The following ZCWPW2 variants were observed in gnomAD, a reference collection of about 807,000 sequenced individuals.
ZCWPW2 encodes zinc finger CW-type and PWWP domain containing 2.
In ZCWPW2, 45 loss-of-function variants were observed where a neutral mutation model predicts 46.6. The ratio of observed to expected loss-of-function variants is 0.96; its 90% CI spans 0.76 to 1.24. The LOEUF (loss-of-function observed/expected upper bound fraction) is 1.24. Among genes scored for constraint, ZCWPW2 ranks in the 50% most tolerant of loss-of-function variants. ZCWPW2 has a pLI of 0.00. For missense variants in ZCWPW2, 429 were observed against 403.9 expected (o/e 1.06, Z -0.53); for synonymous variants, 152 against 137.1 (o/e 1.11, Z -0.76).
intron 2 of ZCWPW2, among the ~76,000 whole-genome samples, chr3:28,406,689 T>C (rs923578642): frequency 1.3e-5 from 2 of 152,168 alleles, no homozygotes; most frequent in African/African-American, 2.4e-5. Context: ...ACATGGTAAA[T>C]AAGACTCTTC....
chr3:28,382,539 A>G (rs1477994934), intron 1 of ZCWPW2, among the ~76,000 whole-genome samples: 3 of 152,222 alleles, frequency 2.0e-5, no homozygotes, highest in Non-Finnish European at 4.4e-5. Context: ...AGAGGAGGGC[A>G]AACAATTCAG....
chr3:28,412,988 G>A (rs1168902841), intron 2 of ZCWPW2, 68 bp from the exon 3 acceptor site: 4 of 1,267,966 alleles, frequency 3.2e-6, no homozygotes, highest in East Asian at 4.9e-5. Flanking sequence ...TCTGATTTTT[G>A]GTTTGAATTT....
chr3:28,518,796 G>A (rs1350066925), intron 8 of ZCWPW2, among the ~76,000 whole-genome samples: 1 of 152,136 alleles, frequency 6.6e-6, no homozygotes, highest in Non-Finnish European at 1.5e-5. Context: ...AATTTCCATA[G>A]ACTCAGAATG....
intron 1 of ZCWPW2, among the ~76,000 whole-genome samples, chr3:28,356,606 A>G (rs1052499494): frequency 1.3e-5 from 2 of 152,236 alleles, no homozygotes; most frequent in Admixed American, 6.5e-5. Flanking sequence ...AACTAACCCA[A>G]ATGTCCATCA....
At chr3:28,438,973 G>A (rs959538561) in intron 4 of ZCWPW2, among the ~76,000 whole-genome samples, 15 of 151,578 alleles carry the variant, frequency 9.9e-5, no homozygotes, top group African/African-American at 3.1e-4. Context: ...GGAAATTATT[G>A]AGTCTCAGTG....
intron 4 of ZCWPW2, among the ~76,000 whole-genome samples, chr3:28,439,607 T>C (rs1697665294): frequency 6.6e-6 from 1 of 152,130 alleles, no homozygotes; most frequent in South Asian, 2.1e-4. Flanking sequence ...AGATCATACA[T>C]AATCTTCAAA....
intron 1 of ZCWPW2, among the ~76,000 whole-genome samples, chr3:28,390,006 C>T (rs941593487): frequency 6.6e-6 from 1 of 152,094 alleles, no homozygotes; most frequent in Non-Finnish European, 1.5e-5. Flanking sequence ...CAGGAATATC[C>T]AGAATAATGT....
intron 1 of ZCWPW2, chr3:28,351,704 A>G (rs924282082): frequency 6.6e-5 from 10 of 151,492 alleles, no homozygotes; most frequent in Admixed American, 1.3e-4. Flanking sequence ...GATTAATGTC[A>G]TATTACCTCA....
chr3:28,462,710 A>G (rs1698684575), intron 4 of ZCWPW2, among the ~76,000 whole-genome samples: 1 of 152,228 alleles, frequency 6.6e-6, no homozygotes, highest in Admixed American at 6.5e-5. Flanking sequence ...AAAAGTCTTA[A>G]AATAGGAAAC....
chr3:28,357,898 C>T (rs1327367988), intron 1 of ZCWPW2, among the ~76,000 whole-genome samples: 1 of 150,518 alleles, frequency 6.6e-6, no homozygotes, highest in Admixed American at 6.6e-5. Context: ...GTAGTAATTA[C>T]AAAATTAGAT....
chr3:28,396,217 G>A (rs1695691876), intron 2 of ZCWPW2, among the ~76,000 whole-genome samples: 1 of 152,042 alleles, frequency 6.6e-6, no homozygotes, highest in Non-Finnish European at 1.5e-5. Context: ...AGATTATACA[G>A]CTAGAAAGTT....
intron 6 of ZCWPW2, among the ~76,000 whole-genome samples, chr3:28,510,778 G>A: frequency 6.6e-6 from 1 of 152,074 alleles, no homozygotes. Flanking sequence ...ACCAACCTGA[G>A]GACATAAGAA....
intron 1 of ZCWPW2, among the ~76,000 whole-genome samples, chr3:28,387,213 T>C (rs1284643920): frequency 2.0e-5 from 3 of 152,196 alleles, no homozygotes; most frequent in Non-Finnish European, 2.9e-5. Context: ...TAGCAAACCC[T>C]TGGACCACCT....
Position 28,349,142 on chromosome 3 carries a change from C to G in ZCWPW2, c.-195C>G. 1.0e-6 allele frequency: 1 copy of G among 985,594 alleles called. No individual in the cohort carries two copies. Among genetic ancestry groups the G allele is most frequent in the Non-Finnish European group, 1.2e-6 (1 of 830,130 alleles). The allele number at this position is 985,594 out of a possible 1,614,324, so 61.1% of individuals were successfully genotyped here. ...CGCGGCGTACTACATGTCCCGTGAG[C>G]CTCCGCGGCGGGACGGGGCGGGGCC... On this transcript the variant is annotated 5_prime_UTR_variant, in exon 1 of 10. Transcript: ENST00000383768.
In ZCWPW2 at chr3:28,478,915, C is replaced by T. The variant is rs1699330576; in HGVS notation, c.594C>T (p.Cys198=). The T allele has an allele frequency of 6.3e-7, 1 of 1,577,438 alleles. No homozygotes were observed. Among genetic ancestry groups the T allele is most frequent in the Non-Finnish European group, 8.6e-7 (1 of 1,164,920 alleles). ...ATGAGCAAAGACTGGAAATGTGCTG[C>T]CTATCAAAACTACAAGGTGTATAAA... is the stretch of plus-strand genomic sequence containing the variant. ...YSHEQRLEMC[C]LSKLQDKSET... Residue 198 remains cysteine, a synonymous_variant, in exon 5 of 10, where the codon TGC becomes TGT. Coordinates refer to ENST00000383768, the MANE Select transcript of ZCWPW2 (RefSeq NM_001040432.4).
intron 1 of ZCWPW2, among the ~76,000 whole-genome samples, chr3:28,371,327 C>A (rs1186488749): frequency 6.6e-6 from 1 of 152,050 alleles, no homozygotes; most frequent in African/African-American, 2.4e-5. Context: ...TGAGAGAAAT[C>A]AGAATAAAAC....
chr3:28,521,580 T>G (rs1392463549), intron 9 of ZCWPW2, among the ~76,000 whole-genome samples: 1 of 152,192 alleles, frequency 6.6e-6, no homozygotes, highest in Admixed American at 6.5e-5. Flanking sequence ...TGGAATAAGT[T>G]TTACCATTTA....
At chr3:28,425,996 C>T (rs1332304075) in intron 3 of ZCWPW2, among the ~76,000 whole-genome samples, 1 of 152,028 alleles carries the variant, frequency 6.6e-6, no homozygotes. Context: ...GTAATCCCAG[C>T]AACTCTGGAG....
At position 28,478,837 on chromosome 3, in the gene ZCWPW2, G is replaced by T. The variant is rs1356594943; in HGVS notation, c.516G>T (p.Lys172Asn). The change falls in exon 5 of 10, where the codon AAG (lysine) becomes AAT (asparagine). Residue 172 changes from lysine to asparagine, a missense_variant. Coordinates refer to ENST00000383768, the MANE Select transcript of ZCWPW2 (RefSeq NM_001040432.4). ...TLKPEKCKNKKKWYKSALQEA... is the reference protein window; with the variant it reads ...TLKPEKCKNKNKWYKSALQEA... Reference sequence around the variant, plus strand: ...AGCCAGAAAAGTGTAAGAATAAAAAGAAGTGGTATAAAAGTGCACTACAAG... The same window carrying T: ...AGCCAGAAAAGTGTAAGAATAAAAATAAGTGGTATAAAAGTGCACTACAAG... 3 of 1,556,210 alleles carry T rather than the reference G, an allele frequency of 1.9e-6. No individual in the cohort carries two copies. The highest frequency in any genetic ancestry group is 2.0e-5 in the Admixed American group (1 of 49,420).
Sources: gnomAD v4.1 joint callset for allele counts (sites outside exome capture counted in the v4.1 genomes callset) on GRCh38, gnomAD v4.1.1 for gene constraint, MANE v1.5 for transcripts, NCBI Gene and HGNC (gene_info 2026-07-23, HGNC 2026-07-21) for gene names.